The following CEMIP2 variants were observed in gnomAD, a reference collection of about 807,000 sequenced individuals.
The protein encoded by CEMIP2 is cell migration inducing hyaluronidase 2, also known as cell surface hyaluronidase CEMIP2.
Under a neutral mutation model 146.9 loss-of-function variants are expected in CEMIP2, and 79 were observed. The ratio of observed to expected loss-of-function variants is 0.54; its 90% CI spans 0.45 to 0.65. CEMIP2 has a LOEUF of 0.65. CEMIP2 is among the 30% of genes least tolerant of loss of function. The pLI, the probability that CEMIP2 is intolerant of heterozygous loss-of-function variation, is 0.00. For missense variants in CEMIP2, 1,596 were observed against 1,696.2 expected (o/e 0.94, Z 1.04); for synonymous variants, 601 against 606.3 (o/e 0.99, Z 0.13).
chr9:71,692,963 G>A (rs1822277862), intron 21 of CEMIP2, among the ~76,000 whole-genome samples: 1 of 144,424 alleles, frequency 6.9e-6, no homozygotes, highest in African/African-American at 2.7e-5. Flanking sequence ...TTGAGCTACA[G>A]TTACATAGGG....
At position 71,731,748 on chromosome 9, in the gene CEMIP2, T is replaced by A. The variant is rs994751027; in HGVS notation, c.1563+603A>T. On this transcript the variant is annotated intron_variant, in intron 7 of 23. Transcript: ENST00000377044. ...CTGTATCTCAAAAAAAAAAAAAAAA[T>A]TCCTTGTAACAGAAATACTACTTAC... Among the ~76,000 whole-genome samples the A allele has an allele frequency of 5.6e-5, 7 of 124,722 alleles. No homozygotes were observed. In the East Asian group the frequency reaches 7.0e-4, roughly 13 times the overall value. The allele number at this position is 124,722 out of a possible 152,430, so 81.8% of individuals were successfully genotyped here. A position where few individuals can be genotyped will look rare whatever the true frequency, so the allele number is the denominator to read the frequency against.
intron 13 of CEMIP2, among the ~76,000 whole-genome samples, chr9:71,716,803 T>C (rs1240196431): frequency 6.6e-6 from 1 of 152,216 alleles, no homozygotes; most frequent in Non-Finnish European, 1.5e-5. Flanking sequence ...TATCTCTCAC[T>C]TTTCCCATCT....
intron 2 of CEMIP2, among the ~76,000 whole-genome samples, chr9:71,748,706 A>C (rs919369445): frequency 4.6e-5 from 7 of 152,204 alleles, no homozygotes; most frequent in African/African-American, 1.7e-4. Context: ...ATGGAAATCA[A>C]TGTTATAAGT....
At chr9:71,712,453 G>A (rs1417447015) in intron 15 of CEMIP2, 193 bp from the exon 16 acceptor site, 1 of 578,272 alleles carries the variant, frequency 1.7e-6, no homozygotes, top group Admixed American at 3.1e-5. Context: ...GAAAAACAAA[G>A]GATCATTTCA....
At position 71,729,835 on chromosome 9, in the gene CEMIP2, C is replaced by A; in HGVS notation, c.2049+10G>T. On this transcript the variant is annotated intron_variant, in intron 10 of 23. Coordinates refer to ENST00000377044, the MANE Select transcript of CEMIP2 (RefSeq NM_013390.3). Reference sequence around the variant, plus strand: ...ATTAAAACATCTGAGGTCACTTTAACGTTATTTACCTGTGAGCCTGCAGCT... The same window carrying A: ...ATTAAAACATCTGAGGTCACTTTAAAGTTATTTACCTGTGAGCCTGCAGCT... 2 of 1,612,926 alleles carry A rather than the reference C, an allele frequency of 1.2e-6. No homozygotes were observed. The highest frequency in any genetic ancestry group is 1.7e-4 in the Middle Eastern group (1 of 6,060).
At chr9:71,737,946 A>G (rs1564018178) in intron 5 of CEMIP2, among the ~76,000 whole-genome samples, 1 of 152,196 alleles carries the variant, frequency 6.6e-6, no homozygotes, top group Non-Finnish European at 1.5e-5. Flanking sequence ...CAACCGTGAG[A>G]GACAGGAGCT....
At chr9:71,765,612 T>G (rs1200900598) in intron 1 of CEMIP2, among the ~76,000 whole-genome samples, 1 of 152,196 alleles carries the variant, frequency 6.6e-6, no homozygotes, top group Non-Finnish European at 1.5e-5. Flanking sequence ...AAATTTTATT[T>G]CTCACAAAAT....
In CEMIP2 at chr9:71,728,266, T is replaced by TAC. The variant is rs1292832613; in HGVS notation, c.2049+1578_2049+1579insGT. ...ATATATATATGTATATACACGTATATATATATATATATATGTATATATATA... is the reference window on the plus strand; with the variant it reads ...ATATATATATGTATATACACGTATATACATATATATATATATGTATATATATA... On this transcript the variant is annotated intron_variant, in intron 10 of 23. Coordinates refer to ENST00000377044, the MANE Select transcript of CEMIP2 (RefSeq NM_013390.3). Among the ~76,000 whole-genome samples the TAC allele has an allele frequency of 7.4e-4, 7 of 9,506 alleles. 1 individual carries two copies. Among genetic ancestry groups the TAC allele is most frequent in the African/African-American group, 1.1e-3 (6 of 5,556 alleles). The allele number at this position is 9,506 out of a possible 152,430, so 6.2% of individuals were successfully genotyped here.
chr9:71,694,335 C>T lies in CEMIP2; in HGVS notation c.3696+174G>A, dbSNP rs538093008. Among the ~76,000 whole-genome samples, 4 of 152,164 alleles carry T rather than the reference C, an allele frequency of 2.6e-5. No homozygotes were observed. In the East Asian group the frequency reaches 7.7e-4, roughly 29 times the overall value. ...TAGAGACAGCGTTTCACCATGTTAG[C>T]CAGGATGGTCTCGATCTAACCTTAT... On this transcript the variant is annotated intron_variant, in intron 21 of 23. Coordinates refer to ENST00000377044, the MANE Select transcript of CEMIP2 (RefSeq NM_013390.3).
chr9:71,759,828 T>TA (rs1554689762), intron 1 of CEMIP2, among the ~76,000 whole-genome samples: 1 of 60,738 alleles, frequency 1.6e-5, no homozygotes, highest in African/African-American at 5.3e-5. Flanking sequence ...TACGGGGAGG[T>TA]GGGGGGGGGA....
chr9:71,694,532 G>T lies in CEMIP2; in HGVS notation c.3673C>A (p.Arg1225Ser). 1.2e-6 allele frequency: 2 copies of T among 1,613,644 alleles called. No homozygotes were observed. Among genetic ancestry groups the T allele is most frequent in the Non-Finnish European group, 1.7e-6 (2 of 1,179,736 alleles). ...FQSPDKAETQRGDPSVISVNG... is the reference protein window; with the variant it reads ...FQSPDKAETQSGDPSVISVNG... ...ACAGAAATAACAGACGGGTCTCCAC[G>T]CTGGGTTTCTGCTTTATCAGGTGAC... The change falls in exon 21 of 24, where the codon CGT becomes AGT. Residue 1225 changes from arginine (R) to serine (S), a missense_variant. By Grantham distance (110) the Arg-to-Ser change is moderately radical. Transcript: ENST00000377044.
intron 7 of CEMIP2, among the ~76,000 whole-genome samples, chr9:71,731,449 GT>G (rs1823613733): frequency 6.6e-6 from 1 of 152,120 alleles, no homozygotes; most frequent in Admixed American, 6.5e-5. Context: ...AGAAATCCTT[GT>G]AACAGGCGGG....
intron 22 of CEMIP2, 134 bp downstream of exon 22, chr9:71,689,958 A>T: frequency 9.5e-7 from 1 of 1,055,438 alleles, no homozygotes; most frequent in South Asian, 1.7e-5. Flanking sequence ...CTGAGGTAGG[A>T]GAGGAATGAA....
chr9:71,752,355 A>G (rs779081501), intron 1 of CEMIP2, among the ~76,000 whole-genome samples: 17 of 150,770 alleles, frequency 1.1e-4, no homozygotes, highest in Non-Finnish European at 2.4e-4. Flanking sequence ...CACAAAAACA[A>G]GGAAGTCCTT....
chr9:71,685,936 A>G (rs1822047718), intron 22 of CEMIP2, 90 bp from the exon 23 acceptor site: 1 of 886,304 alleles, frequency 1.1e-6, no homozygotes, highest in South Asian at 1.5e-5. Flanking sequence ...TGACTGCTGA[A>G]TAGAAATATT....
At chr9:71,697,136 T>C (rs1047594200) in intron 20 of CEMIP2, among the ~76,000 whole-genome samples, 7 of 152,220 alleles carry the variant, frequency 4.6e-5, no homozygotes, top group African/African-American at 1.7e-4. Flanking sequence ...GCTGACTCAG[T>C]AGGATGAGGG....
chr9:71,694,132 T>TTTAC (rs1259659625), intron 21 of CEMIP2, among the ~76,000 whole-genome samples: 1 of 134,364 alleles, frequency 7.4e-6, no homozygotes, highest in African/African-American at 2.8e-5. Context: ...TATTTATTTA[T>TTTAC]TTATTTTGGA....
intron 6 of CEMIP2, among the ~76,000 whole-genome samples, chr9:71,734,155 G>A (rs906623696): frequency 6.6e-6 from 1 of 151,918 alleles, no homozygotes; most frequent in Non-Finnish European, 1.5e-5. Flanking sequence ...GCAAGGAAAT[G>A]TAGTCTTAAG....
chr9:71,709,293 C>T lies in CEMIP2; in HGVS notation c.2951G>A (p.Trp984Ter), dbSNP rs1329415102. 2.5e-6 allele frequency: 4 copies of T among 1,614,158 alleles called. No homozygotes were observed. The highest frequency in any genetic ancestry group is 2.5e-6 in the Non-Finnish European group (3 of 1,180,018). Residue 984 changes from tryptophan to a stop codon, truncating the protein, a stop_gained, in exon 17 of 24, where the codon TGG becomes TAG. Transcript: ENST00000377044. LOFTEE classifies it high-confidence loss of function. ...RHPSCVNVSKWNAVICSGTYA... is the reference protein window; with the variant it reads ...RHPSCVNVSK The stretch of plus-strand genomic sequence containing the variant: ...GGTCCCACTGCAGATCACTGCATTC[C>T]ACTTAGACACATTTACACAGCTTGG...
Sources: gnomAD v4.1 joint callset for allele counts (sites outside exome capture counted in the v4.1 genomes callset) on GRCh38, gnomAD v4.1.1 for gene constraint, MANE v1.5 for transcripts, NCBI Gene and HGNC (gene_info 2026-07-23, HGNC 2026-07-21) for gene names.